The following PCED1B variants were observed in gnomAD, a reference collection of about 807,000 sequenced individuals.
The protein encoded by PCED1B is PC-esterase domain-containing protein 1B.
For missense variants in PCED1B, 573 were observed against 573.9 expected (o/e 1.00, Z 0.02); for synonymous variants, 251 against 246.1 (o/e 1.02, Z -0.19).
intron 2 of PCED1B, among the ~76,000 whole-genome samples, chr12:47,136,493 G>A (rs1359330864): frequency 6.6e-6 from 1 of 152,054 alleles, no homozygotes; most frequent in Non-Finnish European, 1.5e-5. Flanking sequence ...TGTACCCAAG[G>A]GAAATTTGAG....
At chr12:47,108,855 C>T (rs1307834426) in intron 2 of PCED1B, among the ~76,000 whole-genome samples, 1 of 152,152 alleles carries the variant, frequency 6.6e-6, no homozygotes, top group Non-Finnish European at 1.5e-5. Flanking sequence ...TGAGAGCAGT[C>T]TGGGCAATAT....
chr12:47,132,822 C>G (rs1437602719), intron 2 of PCED1B, among the ~76,000 whole-genome samples: 1 of 152,114 alleles, frequency 6.6e-6, no homozygotes. Flanking sequence ...AAAGGAGAAC[C>G]AAAATCTAAC....
intron 2 of PCED1B, among the ~76,000 whole-genome samples, chr12:47,127,508 A>G (rs1939940255): frequency 6.7e-6 from 1 of 148,752 alleles, no homozygotes; most frequent in South Asian, 2.1e-4. Context: ...AGCTGGGACT[A>G]CAGGCATGTG....
At chr12:47,119,453 G>A (rs1250857046) in intron 2 of PCED1B, among the ~76,000 whole-genome samples, 1 of 152,074 alleles carries the variant, frequency 6.6e-6, no homozygotes, top group South Asian at 2.1e-4. Context: ...AAAGTATTGG[G>A]ATTATAGGGA....
At chr12:47,202,819 C>T (rs1942807104) in intron 2 of PCED1B, among the ~76,000 whole-genome samples, 2 of 151,824 alleles carry the variant, frequency 1.3e-5, no homozygotes, top group Admixed American at 6.6e-5. Context: ...GCAGAGTGGC[C>T]ACTGTGCTCT....
chr12:47,107,083 C>T (rs1297050081), intron 2 of PCED1B, among the ~76,000 whole-genome samples: 1 of 152,174 alleles, frequency 6.6e-6, no homozygotes, highest in African/African-American at 2.4e-5. Flanking sequence ...GGTTAATCTC[C>T]TTGAAGCAAT....
intron 1 of PCED1B, among the ~76,000 whole-genome samples, chr12:47,087,384 T>A (rs965102661): frequency 3.3e-5 from 5 of 152,168 alleles, no homozygotes; most frequent in African/African-American, 9.7e-5. Context: ...TAGAAGCAGA[T>A]TTCTCACAGA....
chr12:47,228,491 A>T (rs935941698), intron 3 of PCED1B, among the ~76,000 whole-genome samples: 37 of 152,116 alleles, frequency 2.4e-4, no homozygotes, highest in African/African-American at 8.2e-4. Flanking sequence ...ATAAGAGAAG[A>T]TCCTTCTTCT....
chr12:47,126,868 G>GGTCAC (rs1424235080), intron 2 of PCED1B, among the ~76,000 whole-genome samples: 13 of 152,118 alleles, frequency 8.5e-5, no homozygotes, highest in Admixed American at 2.0e-4. Flanking sequence ...TCCTGATGTT[G>GGTCAC]GTCACTTGTT....
intron 2 of PCED1B, among the ~76,000 whole-genome samples, chr12:47,108,194 T>C (rs1939041289): frequency 1.3e-5 from 2 of 152,144 alleles, no homozygotes; most frequent in Non-Finnish European, 2.9e-5. Context: ...TCCAGTTGGA[T>C]AACCCTGAGA....
chr12:47,159,515 T>C (rs988904555), intron 2 of PCED1B, among the ~76,000 whole-genome samples: 5 of 152,162 alleles, frequency 3.3e-5, no homozygotes, highest in South Asian at 2.1e-4. Flanking sequence ...GAGCATTTTG[T>C]TGGCCATTTG....
intron 2 of PCED1B, among the ~76,000 whole-genome samples, chr12:47,121,283 T>A (rs536923817): frequency 6.6e-6 from 1 of 152,314 alleles, no homozygotes; most frequent in African/African-American, 2.4e-5. Flanking sequence ...CAGGGGCTTC[T>A]CACTTGTTTT....
chr12:47,189,994 C>T (rs560571861), intron 2 of PCED1B, among the ~76,000 whole-genome samples: 1 of 152,162 alleles, frequency 6.6e-6, no homozygotes, highest in African/African-American at 2.4e-5. Context: ...GTCCCACAGA[C>T]CCTCCTCTAT....
At chr12:47,145,748 A>G (rs540213605) in intron 2 of PCED1B, among the ~76,000 whole-genome samples, 4 of 152,364 alleles carry the variant, frequency 2.6e-5, no homozygotes, top group African/African-American at 9.6e-5. Context: ...ACTCAGAAAT[A>G]TAAATTCCTT....
intron 2 of PCED1B, among the ~76,000 whole-genome samples, chr12:47,168,142 T>A (rs556609617): frequency 1.3e-5 from 2 of 152,224 alleles, no homozygotes; most frequent in Non-Finnish European, 2.9e-5. Flanking sequence ...AATTACCTGG[T>A]TTACTTGTGT....
At chr12:47,114,303 A>C (rs1052900064) in intron 2 of PCED1B, among the ~76,000 whole-genome samples, 15 of 152,244 alleles carry the variant, frequency 9.9e-5, no homozygotes, top group African/African-American at 3.6e-4. Context: ...CTGAGCCCAC[A>C]TAGAAAGTAA....
chr12:47,160,287 C>CT (rs1941329141), intron 2 of PCED1B, among the ~76,000 whole-genome samples: 1 of 116,290 alleles, frequency 8.6e-6, no homozygotes, highest in Non-Finnish European at 1.8e-5. Flanking sequence ...TTTTCTTTTT[C>CT]TTTTTCTTTT....
chr12:47,081,967 C>G (rs2137132321), intron 1 of PCED1B, among the ~76,000 whole-genome samples: 1 of 152,252 alleles, frequency 6.6e-6, no homozygotes, highest in Admixed American at 6.5e-5. Context: ...AATCCATAGA[C>G]AAGGCTATTT....
rs1339459662 is a variant in PCED1B at position 47,235,272 on chromosome 12, T to G, written c.209T>G (p.Met70Arg). The G allele has an allele frequency of 6.2e-6, 10 of 1,614,098 alleles. No individual in the cohort carries two copies. Among genetic ancestry groups the G allele is most frequent in the Non-Finnish European group, 8.5e-6 (10 of 1,180,010 alleles). Residue 70 changes from methionine to arginine, a missense_variant, in exon 4 of 4, where the codon ATG (methionine) becomes AGG (arginine). By Grantham distance (91) the Met-to-Arg change is moderately conservative (BLOSUM62 -1). Transcript: ENST00000546455. ...ELVDGGQRGH[M>R]HNGLNYREVR... ...GTGGACGGAGGCCAGCGGGGCCACA[T>G]GCACAACGGCCTTAACTACCGTGAG...
Sources: gnomAD v4.1 joint callset for allele counts (sites outside exome capture counted in the v4.1 genomes callset) on GRCh38, gnomAD v4.1.1 for gene constraint, MANE v1.5 for transcripts, NCBI Gene and HGNC (gene_info 2026-07-23, HGNC 2026-07-21) for gene names.